The following PTPRM variants were observed in gnomAD, a reference collection of about 807,000 sequenced individuals.
PTPRM encodes receptor-type tyrosine-protein phosphatase mu.
A neutral mutation model predicts 186.7 loss-of-function variants in PTPRM; 47 were observed. The observed-to-expected ratio is 0.25, with a 90% confidence interval of 0.20 to 0.32. The LOEUF (loss-of-function observed/expected upper bound fraction) is 0.32, where lower values mean the gene tolerates loss of function less well. PTPRM is among the 10% of genes least tolerant of loss of function. The probability of loss-of-function intolerance (pLI) is 1.00; values close to 1 mark genes in which losing one functional copy is unlikely to be tolerated. For missense variants in PTPRM, 1,494 were observed against 1,865.0 expected (o/e 0.80, Z 3.66); for synonymous variants, 668 against 674.9 (o/e 0.99, Z 0.16).
intron 14 of PTPRM, among the ~76,000 whole-genome samples, chr18:8,176,285 G>A (rs2093480445): frequency 6.6e-6 from 1 of 152,184 alleles, no homozygotes; most frequent in Admixed American, 6.5e-5. Flanking sequence ...AAAGAAGGCT[G>A]TGTAATCTCT....
At chr18:8,349,165 ATCT>A (rs1302079681) in intron 23 of PTPRM, among the ~76,000 whole-genome samples, 3 of 152,246 alleles carry the variant, frequency 2.0e-5, no homozygotes, top group South Asian at 4.1e-4. Context: ...AGAAAAAAAC[ATCT>A]TCTTTTGTGC....
chr18:8,127,869 T>C (rs972989340), intron 13 of PTPRM, among the ~76,000 whole-genome samples: 2 of 152,136 alleles, frequency 1.3e-5, no homozygotes, highest in Non-Finnish European at 2.9e-5. Context: ...GTGTAGGGTA[T>C]GCTCTTTGCT....
chr18:8,358,148 C>T (rs2095574015), intron 23 of PTPRM, among the ~76,000 whole-genome samples: 1 of 151,814 alleles, frequency 6.6e-6, no homozygotes, highest in African/African-American at 2.4e-5. Flanking sequence ...CCCACACACA[C>T]ACACATTTGC....
At chr18:8,129,275 A>C (rs1190367754) in intron 13 of PTPRM, among the ~76,000 whole-genome samples, 1 of 152,218 alleles carries the variant, frequency 6.6e-6, no homozygotes, top group African/African-American at 2.4e-5. Context: ...GATGTTAATA[A>C]AAATGAGAAA....
chr18:8,117,165 G>A (rs1305798575), intron 13 of PTPRM, among the ~76,000 whole-genome samples: 4 of 152,160 alleles, frequency 2.6e-5, no homozygotes, highest in Non-Finnish European at 5.9e-5. Flanking sequence ...TGCAACATGG[G>A]AAGCCATTCC....
At chr18:7,569,205 T>C (rs1421915322) in intron 1 of PTPRM, among the ~76,000 whole-genome samples, 1 of 152,168 alleles carries the variant, frequency 6.6e-6, no homozygotes, top group Non-Finnish European at 1.5e-5. Context: ...CCAGGACCAT[T>C]GGCTGCTGGA....
intron 20 of PTPRM, among the ~76,000 whole-genome samples, chr18:8,304,915 A>G (rs918276011): frequency 6.6e-6 from 1 of 151,836 alleles, no homozygotes; most frequent in Non-Finnish European, 1.5e-5. Flanking sequence ...GTGGACCATT[A>G]AAGTAGTACG....
At chr18:8,188,001 A>G (rs1301536164) in intron 14 of PTPRM, among the ~76,000 whole-genome samples, 2 of 152,216 alleles carry the variant, frequency 1.3e-5, no homozygotes, top group Non-Finnish European at 2.9e-5. Flanking sequence ...AAAGCATACA[A>G]GCTTCTCATT....
intron 1 of PTPRM, among the ~76,000 whole-genome samples, chr18:7,647,364 A>G (rs532354392): frequency 1.3e-5 from 2 of 152,304 alleles, no homozygotes; most frequent in South Asian, 2.1e-4. Flanking sequence ...TCTCTCACTA[A>G]TATATTTCTG....
rs3046337 is a variant in PTPRM at position 8,176,205 on chromosome 18, T to TAGAG, written c.2300+32447_2300+32450dup. On this transcript the variant is annotated intron_variant, in intron 14 of 32. Transcript: ENST00000580170. ...AATTGCTTGTTGTATGGCAGTATAA[T>TAGAG]AGAGAGAGAGAGAGAGAGAGAGAGT... Among the ~76,000 whole-genome samples, 285 of 149,744 alleles carry TAGAG rather than the reference T, an allele frequency of 1.9e-3. 1 individual carries two copies. The highest frequency in any genetic ancestry group is 3.9e-3 in the African/African-American group (158 of 40,802).
chr18:7,863,415 G>A (rs563435572), intron 2 of PTPRM, among the ~76,000 whole-genome samples: 5 of 151,886 alleles, frequency 3.3e-5, no homozygotes, highest in South Asian at 4.2e-4. Flanking sequence ...TGTTCTCATC[G>A]TTCGACTCCC....
chr18:8,072,309 G>A (rs1213835039), intron 8 of PTPRM, among the ~76,000 whole-genome samples: 3 of 152,116 alleles, frequency 2.0e-5, no homozygotes, highest in African/African-American at 7.2e-5. Flanking sequence ...AACACTATGG[G>A]TTTCAAATTG....
chr18:7,896,637 T>C (rs969827399), intron 3 of PTPRM, among the ~76,000 whole-genome samples: 1 of 152,168 alleles, frequency 6.6e-6, no homozygotes, highest in African/African-American at 2.4e-5. Context: ...GAGAGCCTTG[T>C]GGGTTCACGA....
intron 13 of PTPRM, among the ~76,000 whole-genome samples, chr18:8,120,097 TCTGCTCTTGCTGGGC>T: frequency 6.6e-6 from 1 of 152,134 alleles, no homozygotes; most frequent in African/African-American, 2.4e-5. Flanking sequence ...ACTACGCAGG[TCTGCTCTTGCTGGGC>T]AAGAGCAGCC....
intron 2 of PTPRM, among the ~76,000 whole-genome samples, chr18:7,872,278 A>G (rs1599193172): frequency 2.0e-5 from 3 of 152,208 alleles, no homozygotes; most frequent in East Asian, 3.9e-4. Flanking sequence ...TCAGACAAAC[A>G]ATCCTTTGAT....
intron 7 of PTPRM, among the ~76,000 whole-genome samples, chr18:8,015,649 T>A (rs868021660): frequency 6.6e-6 from 1 of 152,190 alleles, no homozygotes; most frequent in African/African-American, 2.4e-5. Flanking sequence ...TTCCAAGGGA[T>A]CTGTGACAAG....
intron 1 of PTPRM, among the ~76,000 whole-genome samples, chr18:7,571,007 T>A (rs996538035): frequency 6.6e-6 from 1 of 151,570 alleles, no homozygotes; most frequent in East Asian, 1.9e-4. Flanking sequence ...GGCACGATCT[T>A]GGCTCACTGC....
In PTPRM at chr18:7,888,162, C is replaced by T. The variant is rs368841103; in HGVS notation, c.253C>T (p.Leu85Phe). 7 of 1,614,004 alleles carry T rather than the reference C, an allele frequency of 4.3e-6. No individual in the cohort carries two copies. The East Asian group carries it at 6.7e-5, about 15-fold the overall frequency. ...ACCTGAGGGGCAGAGAGCCCACCTG[C>T]TCTTACCCCAACTTAAAGAAAATGA... ...GRPEGQRAHL[L>F]LPQLKENDTH... Residue 85 changes from leucine to phenylalanine, a missense_variant, in exon 3 of 33, where the codon CTC (leucine) becomes TTC (phenylalanine). This residue lies in a region of PTPRM where 296 missense variants were observed against 345.5 expected (regional missense o/e 0.86). Transcript: ENST00000580170.
intron 2 of PTPRM, among the ~76,000 whole-genome samples, chr18:7,810,495 G>T (rs1480972408): frequency 6.6e-6 from 1 of 152,204 alleles, no homozygotes; most frequent in Non-Finnish European, 1.5e-5. Flanking sequence ...AAGCCTGTTT[G>T]TAAGCAGTGG....
Sources: gnomAD v4.1 joint callset for allele counts (sites outside exome capture counted in the v4.1 genomes callset) on GRCh38, gnomAD v4.1.1 for gene constraint, gnomAD v4.1.1 regional missense constraint, MANE v1.5 for transcripts, NCBI Gene and HGNC (gene_info 2026-07-23, HGNC 2026-07-21) for gene names.